MEMO1: variants seen among roughly 807,000 people sequenced by gnomAD.
The protein encoded by MEMO1 is protein MEMO1.
MEMO1 carries 6 observed loss-of-function variants against 45.2 expected under a neutral mutation model. The ratio of observed to expected loss-of-function variants is 0.13; its 90% confidence interval spans 0.07 to 0.26. MEMO1 has a LOEUF of 0.26. Ranked by LOEUF, MEMO1 falls within the 10% of genes least tolerant of loss-of-function variation. The pLI is 1.00. For synonymous variants in MEMO1, 78 were observed against 124.3 expected (o/e 0.63, Z 2.48); for missense variants, 184 against 370.5 (o/e 0.50, Z 4.13).
chr2:32,002,186 T>TATATATACACACACACACAC (rs753352927), intron 2 of MEMO1, among the ~76,000 whole-genome samples: 1 of 116,062 alleles, frequency 8.6e-6, no homozygotes, highest in African/African-American at 3.5e-5. Context: ...TATATATATA[T>TATATATACACACACACACAC]ACACACACAC....
In MEMO1 at chr2:31,957,396, C is replaced by G. The variant is rs543214366; in HGVS notation, c.62-14013G>C. 2.6e-5 allele frequency among the ~76,000 whole-genome samples: 4 copies of G among 152,224 alleles called. No individual in the cohort carries two copies. In the East Asian group the frequency reaches 7.7e-4, roughly 29 times the overall value. ...AAAGGCCTCTGAATGCTAAACCTGG[C>G]TAAAAACAAATCATTGTTGAACCTA... On this transcript the variant is annotated intron_variant, in intron 2 of 9. Transcript: ENST00000404530.
intron 3 of MEMO1, among the ~76,000 whole-genome samples, chr2:31,941,683 GC>G (rs1178493716): frequency 2.0e-5 from 3 of 152,144 alleles, no homozygotes; most frequent in African/African-American, 7.2e-5. Context: ...TTTGTTAAAA[GC>G]GTTAAGGAAA....
intron 2 of MEMO1, among the ~76,000 whole-genome samples, chr2:31,996,032 G>GT (rs1345601664): frequency 6.6e-6 from 1 of 152,112 alleles, no homozygotes; most frequent in African/African-American, 2.4e-5. Flanking sequence ...AAAGAAGGGC[G>GT]TAACGATAGA....
intron 2 of MEMO1, among the ~76,000 whole-genome samples, chr2:31,944,039 T>A (rs1177296576): frequency 6.6e-6 from 1 of 152,184 alleles, no homozygotes; most frequent in Non-Finnish European, 1.5e-5. Flanking sequence ...AAATCCATCA[T>A]CACAGTCATT....
chr2:31,903,263 G>A (rs1226633438), intron 6 of MEMO1, among the ~76,000 whole-genome samples: 2 of 152,024 alleles, frequency 1.3e-5, no homozygotes, highest in Non-Finnish European at 2.9e-5. Flanking sequence ...CTTAAGATGT[G>A]AGGAGAATTA....
chr2:31,949,603 T>C (rs1256683848), intron 2 of MEMO1, among the ~76,000 whole-genome samples: 2 of 136,280 alleles, frequency 1.5e-5, no homozygotes, highest in East Asian at 2.3e-4. Context: ...GGGAAGAGTA[T>C]TGGAGGGTTG....
intron 6 of MEMO1, among the ~76,000 whole-genome samples, chr2:31,913,895 T>C (rs1681014202): frequency 6.6e-6 from 1 of 152,148 alleles, no homozygotes; most frequent in African/African-American, 2.4e-5. Flanking sequence ...TTCCCTCTCC[T>C]TGAATTTAGC....
intron 2 of MEMO1, among the ~76,000 whole-genome samples, chr2:31,975,755 A>G (rs1669935551): frequency 6.6e-6 from 1 of 152,224 alleles, no homozygotes; most frequent in Admixed American, 6.5e-5. Context: ...ATATATTAAA[A>G]ATATAGAGAC....
rs753857208 is a variant in MEMO1 at position 31,868,496 on chromosome 2, G to GA, written c.763-5dup. 9 of 1,588,356 alleles carry GA rather than the reference G, an allele frequency of 5.7e-6. No individual in the cohort carries two copies. The South Asian group carries it at 9.2e-5, about 16-fold the overall frequency. ...TCTTCTGGAGCTCTGTGATAGCCTAGAAAAAAGAAAAATTTGGTTAGGACA... is the reference window on the plus strand; with the variant it reads ...TCTTCTGGAGCTCTGTGATAGCCTAGAAAAAAAGAAAAATTTGGTTAGGACA... On this transcript the variant is annotated splice_region_variant and splice_polypyrimidine_tract_variant and intron_variant, in intron 9 of 9. Transcript: ENST00000404530.
chr2:31,932,058 A>G lies in MEMO1; in HGVS notation c.212+9T>C, dbSNP rs1379188170. 6 of 1,611,240 alleles carry G rather than the reference A, an allele frequency of 3.7e-6. No homozygotes were observed. The highest frequency in any genetic ancestry group is 1.3e-5 in the African/African-American group (1 of 75,014). ...CTTCTCCGACTTAAAACAAAACTACATTACTTACGTAATAGACGGATCCAC... is the reference window on the plus strand; with the variant it reads ...CTTCTCCGACTTAAAACAAAACTACGTTACTTACGTAATAGACGGATCCAC... On this transcript the variant is annotated intron_variant, in intron 4 of 9. Transcript: ENST00000404530.
chr2:32,005,641 C>G (rs1673972337), intron 2 of MEMO1, among the ~76,000 whole-genome samples: 1 of 152,112 alleles, frequency 6.6e-6, no homozygotes, highest in Non-Finnish European at 1.5e-5. Context: ...TGATCAGAGA[C>G]TTGAATGGCA....
chr2:31,912,267 T>TG (rs1470410930), intron 6 of MEMO1, among the ~76,000 whole-genome samples: 1 of 149,824 alleles, frequency 6.7e-6, no homozygotes, highest in Non-Finnish European at 1.5e-5. Flanking sequence ...ACCTGGGAGG[T>TG]GGGGGTTGCA....
chr2:31,907,140 AC>A (rs1257461059), intron 6 of MEMO1, among the ~76,000 whole-genome samples: 1 of 152,068 alleles, frequency 6.6e-6, no homozygotes, highest in Non-Finnish European at 1.5e-5. Flanking sequence ...AACTGCAGGC[AC>A]CTTCAAAATC....
At chr2:32,001,360 C>T (rs1350344009) in intron 2 of MEMO1, among the ~76,000 whole-genome samples, 2 of 151,884 alleles carry the variant, frequency 1.3e-5, no homozygotes, top group Non-Finnish European at 2.9e-5. Flanking sequence ...AATTTTATTA[C>T]GTCCAATTCA....
intron 3 of MEMO1, among the ~76,000 whole-genome samples, chr2:31,939,059 C>T (rs1665294516): frequency 6.7e-6 from 1 of 149,880 alleles, no homozygotes; most frequent in Admixed American, 6.7e-5. Context: ...GCTGGGATTA[C>T]AAGCATGAGC....
At chr2:31,992,034 T>C in intron 2 of MEMO1, among the ~76,000 whole-genome samples, 1 of 152,194 alleles carries the variant, frequency 6.6e-6, no homozygotes, top group East Asian at 1.9e-4. Flanking sequence ...TATTCTGAAA[T>C]TGTGAGAAGT....
At chr2:31,933,346 A>ATATATATATAT (rs869211483) in intron 3 of MEMO1, among the ~76,000 whole-genome samples, 8 of 25,502 alleles carry the variant, frequency 3.1e-4, no homozygotes, top group East Asian at 1.5e-3. Context: ...AAAAAAAAAA[A>ATATATATATAT]AAATTTATAT....
intron 6 of MEMO1, among the ~76,000 whole-genome samples, chr2:31,912,197 G>A (rs1680672966): frequency 6.6e-6 from 1 of 152,122 alleles, no homozygotes; most frequent in African/African-American, 2.4e-5. Context: ...ATTAGCTGGC[G>A]TGGTGGTGGG....
At chr2:31,933,338 AAAAAAAAAAAATTT>A (rs1558514094) in intron 3 of MEMO1, among the ~76,000 whole-genome samples, 5 of 57,242 alleles carry the variant, frequency 8.7e-5, no homozygotes, top group African/African-American at 3.2e-4. Context: ...AAAAAAAAAA[AAAAAAAAAAAATTT>A]ATATATATAT....
Sources: allele counts gnomAD v4.1 joint callset (sites outside exome capture counted in the v4.1 genomes callset), GRCh38; gene constraint gnomAD v4.1.1; transcripts MANE v1.5; gene names NCBI Gene and HGNC (gene_info 2026-07-23, HGNC 2026-07-21).